Variants in MTUS2 observed in about 807,000 individuals in gnomAD.
MTUS2 encodes microtubule associated scaffold protein 2.
MTUS2 carries 40 observed loss-of-function variants against 114.1 expected under a neutral mutation model. The ratio of observed to expected loss-of-function variants is 0.35; its 90% CI spans 0.27 to 0.46. The LOEUF (loss-of-function observed/expected upper bound fraction) is 0.46. MTUS2 is among the 20% of genes least tolerant of loss of function. The probability of loss-of-function intolerance (pLI) is 1.00; values close to 1 mark genes in which losing one functional copy is unlikely to be tolerated. For synonymous variants in MTUS2, 688 were observed against 672.0 expected (o/e 1.02, Z -0.37); for missense variants, 1,679 against 1,705.4 (o/e 0.98, Z 0.27).
intron 9 of MTUS2, among the ~76,000 whole-genome samples, chr13:29,468,346 A>T (rs1215655525): frequency 1.3e-5 from 2 of 152,154 alleles, no homozygotes; most frequent in Non-Finnish European, 2.9e-5. Flanking sequence ...TGGGAGGCTG[A>T]GGTGGGAGGA....
At chr13:29,219,485 C>T (rs903753236) in intron 5 of MTUS2, among the ~76,000 whole-genome samples, 6 of 151,966 alleles carry the variant, frequency 3.9e-5, no homozygotes, top group Non-Finnish European at 8.8e-5. Flanking sequence ...TGGGTATATA[C>T]CCAGTAATGG....
chr13:29,092,495 C>A (rs900082435), intron 4 of MTUS2, among the ~76,000 whole-genome samples: 7 of 152,200 alleles, frequency 4.6e-5, no homozygotes, highest in Admixed American at 2.0e-4. Flanking sequence ...CAATAAAATT[C>A]TTCTTCACCC....
At chr13:29,441,439 A>C (rs533477029) in intron 9 of MTUS2, among the ~76,000 whole-genome samples, 2 of 152,168 alleles carry the variant, frequency 1.3e-5, no homozygotes, top group African/African-American at 4.8e-5. Flanking sequence ...CCTAATTTCT[A>C]TTTGTTGGGT....
chr13:29,145,046 A>T (rs1892374684), intron 5 of MTUS2, among the ~76,000 whole-genome samples: 3 of 152,198 alleles, frequency 2.0e-5, no homozygotes, highest in Non-Finnish European at 4.4e-5. Context: ...TTGCTGGATG[A>T]CTTTATAATT....
At chr13:28,924,081 C>T (rs1014317404) in intron 2 of MTUS2, among the ~76,000 whole-genome samples, 2 of 152,054 alleles carry the variant, frequency 1.3e-5, no homozygotes, top group African/African-American at 4.8e-5. Context: ...CAGTTTGATT[C>T]AGGGGAGGAA....
chr13:29,410,966 G>T (rs1231184837), intron 8 of MTUS2, among the ~76,000 whole-genome samples: 1 of 152,158 alleles, frequency 6.6e-6, no homozygotes, highest in Non-Finnish European at 1.5e-5. Context: ...AGAGTAGCTG[G>T]AGTTACAGGC....
intron 2 of MTUS2, among the ~76,000 whole-genome samples, chr13:28,909,635 C>T (rs928856659): frequency 1.3e-5 from 2 of 152,176 alleles, no homozygotes; most frequent in Non-Finnish European, 2.9e-5. Context: ...GGGATGCCCT[C>T]TGTCACCACT....
In MTUS2 at chr13:28,938,396, G is replaced by A. The variant is rs1418899005; in HGVS notation, c.-242-86061G>A. ...CTCTGTCTCAAAAAAAAAAAAAATAGTCTTTTTGATTTCCTAAAGAATTTG... is the reference window on the plus strand; with the variant it reads ...CTCTGTCTCAAAAAAAAAAAAAATAATCTTTTTGATTTCCTAAAGAATTTG... On this transcript the variant is annotated intron_variant, in intron 2 of 15. Coordinates refer to ENST00000612955, the MANE Select transcript of MTUS2 (RefSeq NM_001033602.4). 3.3e-5 allele frequency among the ~76,000 whole-genome samples: 5 copies of A among 150,872 alleles called. No individual in the cohort carries two copies. In the East Asian group the frequency reaches 9.8e-4, roughly 30 times the overall value.
chr13:28,864,224 AAACAT>A (rs1877161437), intron 2 of MTUS2, among the ~76,000 whole-genome samples: 1 of 152,208 alleles, frequency 6.6e-6, no homozygotes, highest in African/African-American at 2.4e-5. Context: ...GCTCCCTTAG[AAACAT>A]ACCAATTGTG....
intron 8 of MTUS2, among the ~76,000 whole-genome samples, chr13:29,365,175 C>T (rs1870596587): frequency 6.6e-6 from 1 of 152,098 alleles, no homozygotes. Context: ...TAGCACAACC[C>T]CCAAACATCA....
intron 4 of MTUS2, among the ~76,000 whole-genome samples, chr13:29,075,419 C>G (rs1889146824): frequency 6.6e-6 from 1 of 152,130 alleles, no homozygotes; most frequent in Non-Finnish European, 1.5e-5. Flanking sequence ...TAAGAGTGTT[C>G]TTAGCCTGTT....
At position 29,026,223 on chromosome 13, in the gene MTUS2, A is replaced by G. The variant is rs759087411; in HGVS notation, c.1525A>G (p.Asn509Asp). ...AGAGGTCACCACATCTGTTGCTGAA[A>G]ACAGGAACCTTCTAGAGAATGCAGA... Reference protein sequence around the residue: ...SKEVTTSVAENRNLLENADKI... With the variant: ...SKEVTTSVAEDRNLLENADKI... The change falls in exon 3 of 16, where the codon AAC becomes GAC. Residue 509 changes from asparagine to aspartate, a missense_variant. Asn to Asp is a conservative substitution (Grantham distance 23). Coordinates refer to ENST00000612955, the MANE Select transcript of MTUS2 (RefSeq NM_001033602.4). 2 of 1,613,896 alleles carry G rather than the reference A, an allele frequency of 1.2e-6. No individual in the cohort carries two copies. Among genetic ancestry groups the G allele is most frequent in the Admixed American group, 3.3e-5 (2 of 60,006 alleles).
At chr13:29,447,119 T>A (rs1878340110) in intron 9 of MTUS2, among the ~76,000 whole-genome samples, 1 of 151,578 alleles carries the variant, frequency 6.6e-6, no homozygotes, top group African/African-American at 2.4e-5. Context: ...TATTCCAAAA[T>A]AAAAAAAAAT....
intron 8 of MTUS2, among the ~76,000 whole-genome samples, chr13:29,389,269 A>ATATGTATATATGTATACACATGTGTG (rs1566172089): frequency 7.1e-6 from 1 of 140,450 alleles, no homozygotes; most frequent in African/African-American, 3.2e-5. Flanking sequence ...ATGTGTGTAT[A>ATATGTATATATGTATACACATGTGTG]TATGTATATA....
intron 5 of MTUS2, among the ~76,000 whole-genome samples, chr13:29,172,267 A>G (rs1893595678): frequency 1.3e-5 from 2 of 152,204 alleles, no homozygotes; most frequent in Non-Finnish European, 2.9e-5. Flanking sequence ...GAACTTGACA[A>G]TGTCCAAGAT....
rs1441626371 is a variant in MTUS2, at chr13:29,380,688, G to A, written c.3117+21215G>A. On this transcript the variant is annotated intron_variant, in intron 8 of 15. Transcript: ENST00000612955. ...TCCCAGCACTTTGGGAGGCCGAGGC[G>A]GGTGGATCATGAGGTCAGGAGATCG... Among the ~76,000 whole-genome samples, 2 of 18,092 alleles carry A rather than the reference G, an allele frequency of 1.1e-4. 1 individual carries two copies. The highest frequency in any genetic ancestry group is 2.2e-3 in the Admixed American group (2 of 902). 11.9% of individuals were successfully genotyped at this position (18,092 alleles called of 152,430 possible).
At chr13:28,974,470 A>G (rs543554240) in intron 2 of MTUS2, among the ~76,000 whole-genome samples, 1 of 152,306 alleles carries the variant, frequency 6.6e-6, no homozygotes, top group South Asian at 2.1e-4. Flanking sequence ...CATGAACACC[A>G]ATGTTGATTC....
At chr13:29,155,285 A>C (rs905649143) in intron 5 of MTUS2, among the ~76,000 whole-genome samples, 2 of 152,228 alleles carry the variant, frequency 1.3e-5, no homozygotes, top group African/African-American at 4.8e-5. Flanking sequence ...ACTTGAGTGA[A>C]CTGGGAGATT....
At position 28,961,569 on chromosome 13, in the gene MTUS2, C is replaced by T. The variant is rs919119752; in HGVS notation, c.-242-62888C>T. Among the ~76,000 whole-genome samples the T allele has an allele frequency of 3.3e-5, 5 of 152,206 alleles. 1 individual carries two copies. The East Asian group carries it at 9.6e-4, about 29-fold the overall frequency. On this transcript the variant is annotated intron_variant, in intron 2 of 15. Transcript: ENST00000612955. ...CTTAAAATTTTAAATGATAAAACCT[C>T]TGATTATGAAAATAAAATTTAATTA...
Sources: allele counts gnomAD v4.1 joint callset (sites outside exome capture counted in the v4.1 genomes callset), GRCh38; gene constraint gnomAD v4.1.1; transcripts MANE v1.5; gene names NCBI Gene and HGNC (gene_info 2026-07-23, HGNC 2026-07-21).